The following CSMD1 variants were observed in gnomAD, a reference collection of about 807,000 sequenced individuals.
The protein encoded by CSMD1 is CUB and sushi domain-containing protein 1.
Under a neutral mutation model 417.5 loss-of-function variants are expected in CSMD1, and 213 were observed. That is an observed-to-expected ratio of 0.51 (90% CI 0.46 to 0.57). CSMD1 has a LOEUF of 0.57. Ranked by LOEUF, CSMD1 falls within the 20% of genes least tolerant of loss-of-function variation. CSMD1 has a pLI of 0.00. For missense variants in CSMD1, 6,923 were observed against 4,529.7 expected, an observed-to-expected ratio of 1.53 and a Z score of -15.17; for synonymous variants, 2,862 against 1,736.8, an observed-to-expected ratio of 1.65 and a Z score of -16.11.
chr8:3,933,438 A>G (rs1378440387), intron 5 of CSMD1, among the ~76,000 whole-genome samples: 3 of 152,148 alleles, frequency 2.0e-5, no homozygotes, highest in Non-Finnish European at 2.9e-5. Context: ...AACATAGACT[A>G]AGCATTTCCC....
intron 3 of CSMD1, among the ~76,000 whole-genome samples, chr8:4,199,492 T>G (rs1437615228): frequency 6.6e-6 from 1 of 152,164 alleles, no homozygotes; most frequent in African/African-American, 2.4e-5. Flanking sequence ...AATAGGAATA[T>G]GGTGTAAAAT....
At chr8:4,966,526 C>G (rs957604182) in intron 1 of CSMD1, among the ~76,000 whole-genome samples, 2 of 152,148 alleles carry the variant, frequency 1.3e-5, no homozygotes, top group Admixed American at 6.6e-5. Flanking sequence ...CATCTGAAAC[C>G]CAACTGTCAC....
intron 3 of CSMD1, among the ~76,000 whole-genome samples, chr8:4,415,195 A>G (rs1177198651): frequency 6.6e-6 from 1 of 152,148 alleles, no homozygotes; most frequent in Admixed American, 6.5e-5. Flanking sequence ...CAGAGAACCC[A>G]GGCTCAGGAT....
chr8:4,637,780 C>G (rs1053677674), intron 1 of CSMD1, among the ~76,000 whole-genome samples: 16 of 150,782 alleles, frequency 1.1e-4, no homozygotes, highest in Admixed American at 2.0e-4. Context: ...ACGCCATTCT[C>G]CTGCCTCAGC....
At position 4,495,000 on chromosome 8, in the gene CSMD1, G is replaced by T. The variant is rs563565119; in HGVS notation, c.303-74935C>A. Among the ~76,000 whole-genome samples, 96 of 152,028 alleles carry T rather than the reference G, an allele frequency of 6.3e-4. 1 individual carries two copies. The highest frequency in any genetic ancestry group is 3.4e-3 in the Middle Eastern group (1 of 294). The stretch of plus-strand genomic sequence containing the variant: ...ATAAAGAAAAGAAGTACTAAAGAGG[G>T]AGAAAATAAATAAAAGCAACAAGAG... On this transcript the variant is annotated intron_variant, in intron 2 of 69. Coordinates refer to ENST00000635120, the MANE Select transcript of CSMD1 (RefSeq NM_033225.6).
intron 4 of CSMD1, among the ~76,000 whole-genome samples, chr8:4,002,627 G>T (rs1321168638): frequency 6.6e-6 from 1 of 152,086 alleles, no homozygotes; most frequent in Non-Finnish European, 1.5e-5. Context: ...ATATTAAATT[G>T]CTCCCACATA....
intron 5 of CSMD1, among the ~76,000 whole-genome samples, chr8:3,839,408 TA>T (rs67955283): frequency 0.34 from 38,537 of 112,532 alleles, 7,400 homozygotes; most frequent in East Asian, 0.57. Context: ...TTATATATAA[TA>T]AAAAATAAAT....
intron 1 of CSMD1, among the ~76,000 whole-genome samples, chr8:4,731,662 T>C (rs1330064721): frequency 6.6e-6 from 1 of 152,092 alleles, no homozygotes; most frequent in Non-Finnish European, 1.5e-5. Flanking sequence ...TTTGCATGAG[T>C]ATCATTTGGA....
At chr8:4,731,547 A>G (rs2116958315) in intron 1 of CSMD1, among the ~76,000 whole-genome samples, 1 of 152,330 alleles carries the variant, frequency 6.6e-6, no homozygotes, top group Non-Finnish European at 1.5e-5. Flanking sequence ...TTTGTTCATT[A>G]ATTATTAAAT....
intron 38 of CSMD1, 45 bp downstream of exon 38, chr8:3,162,114 G>C (rs1304784825): frequency 8.0e-7 from 1 of 1,254,470 alleles, no homozygotes; most frequent in South Asian, 1.3e-5. Flanking sequence ...GCTGCACAAA[G>C]ATGACCATGT....
At chr8:3,476,148 GCC>G (rs1817403769) in intron 11 of CSMD1, among the ~76,000 whole-genome samples, 2 of 152,144 alleles carry the variant, frequency 1.3e-5, no homozygotes, top group African/African-American at 4.8e-5. Context: ...TTCAAGACTA[GCC>G]TGCGCAACAT....
At chr8:3,307,505 CTTAA>C (rs1276431369) in intron 25 of CSMD1, among the ~76,000 whole-genome samples, 186 bp downstream of exon 25, 4 of 152,310 alleles carry the variant, frequency 2.6e-5, no homozygotes, top group African/African-American at 7.2e-5. Context: ...CTATATAGAA[CTTAA>C]TTAATGGTTT....
At chr8:4,134,985 T>G (rs926654620) in intron 3 of CSMD1, among the ~76,000 whole-genome samples, 65 of 152,310 alleles carry the variant, frequency 4.3e-4, no homozygotes, top group African/African-American at 1.5e-3. Flanking sequence ...GCTTAGTGTC[T>G]GGGTTCTCTT....
chr8:3,160,081 T>G (rs1237305643), intron 38 of CSMD1, among the ~76,000 whole-genome samples: 1 of 152,190 alleles, frequency 6.6e-6, no homozygotes, highest in Non-Finnish European at 1.5e-5. Flanking sequence ...CAGATTGAGG[T>G]GTCCCTCTAA....
intron 2 of CSMD1, among the ~76,000 whole-genome samples, chr8:4,481,202 G>A (rs910750349): frequency 6.6e-6 from 1 of 152,194 alleles, no homozygotes. Context: ...TGCTTGTTTA[G>A]CTTTACCTTC....
chr8:3,536,576 G>C (rs1010919203), intron 10 of CSMD1, among the ~76,000 whole-genome samples: 2 of 152,166 alleles, frequency 1.3e-5, no homozygotes, highest in African/African-American at 2.4e-5. Context: ...TTCAGTACTT[G>C]GTAGTCACTG....
At chr8:3,790,567 T>A (rs142098335) in intron 5 of CSMD1, among the ~76,000 whole-genome samples, 3 of 152,256 alleles carry the variant, frequency 2.0e-5, no homozygotes, top group East Asian at 3.9e-4. Context: ...CTAGGAACAA[T>A]CATAATTTTT....
chr8:4,896,829 G>C (rs1378545264), intron 1 of CSMD1, among the ~76,000 whole-genome samples: 2 of 151,970 alleles, frequency 1.3e-5, no homozygotes, highest in South Asian at 4.1e-4. Context: ...TATCCAGTGA[G>C]AGCCGGAGCC....
intron 1 of CSMD1, among the ~76,000 whole-genome samples, chr8:4,731,942 G>T (rs957090498): frequency 6.6e-6 from 1 of 152,092 alleles, no homozygotes; most frequent in Non-Finnish European, 1.5e-5. Flanking sequence ...TAGTGAGAAC[G>T]ATCACAACAG....
Sources: gnomAD v4.1 joint callset for allele counts (sites outside exome capture counted in the v4.1 genomes callset) on GRCh38, gnomAD v4.1.1 for gene constraint, MANE v1.5 for transcripts, NCBI Gene and HGNC (gene_info 2026-07-23, HGNC 2026-07-21) for gene names.